The following NOS1AP variants were observed in gnomAD, a reference collection of about 807,000 sequenced individuals.
The protein encoded by NOS1AP is carboxyl-terminal PDZ ligand of neuronal nitric oxide synthase protein.
A neutral mutation model predicts 56.2 loss-of-function variants in NOS1AP; 21 were observed. The observed-to-expected ratio is 0.37, with a 90% CI of 0.26 to 0.54. NOS1AP has a LOEUF of 0.54. NOS1AP is among the 20% of genes least tolerant of loss of function. NOS1AP has a pLI of 0.84. For missense variants in NOS1AP, 522 were observed against 657.8 expected, an observed-to-expected ratio of 0.79 and a Z score of 2.26; for synonymous variants, 270 against 274.6, an observed-to-expected ratio of 0.98 and a Z score of 0.17.
At chr1:162,283,120 G>T (rs1452539473) in intron 2 of NOS1AP, among the ~76,000 whole-genome samples, 1 of 150,622 alleles carries the variant, frequency 6.6e-6, no homozygotes, top group Non-Finnish European at 1.5e-5. Flanking sequence ...GTGTGTGTGT[G>T]TTAAAAATCC....
chr1:162,123,219 A>G (rs1000708369), intron 1 of NOS1AP, among the ~76,000 whole-genome samples: 1 of 152,202 alleles, frequency 6.6e-6, no homozygotes, highest in Admixed American at 6.5e-5. Context: ...CTAACATAGT[A>G]TATTCAGAGA....
At chr1:162,158,935 A>G (rs909090131) in intron 2 of NOS1AP, among the ~76,000 whole-genome samples, 4 of 152,108 alleles carry the variant, frequency 2.6e-5, no homozygotes, top group Non-Finnish European at 5.9e-5. Flanking sequence ...ACATGTTTTT[A>G]TTTTCTTTTA....
intron 2 of NOS1AP, among the ~76,000 whole-genome samples, chr1:162,173,006 T>C (rs2102133643): frequency 6.6e-6 from 1 of 151,970 alleles, no homozygotes; most frequent in East Asian, 1.9e-4. Context: ...ATTGCAACCT[T>C]TGCTTCCCAG....
chr1:162,073,486 G>A (rs1418901023), intron 1 of NOS1AP, among the ~76,000 whole-genome samples: 1 of 152,132 alleles, frequency 6.6e-6, no homozygotes, highest in African/African-American at 2.4e-5. Context: ...TTGAGATGGA[G>A]TTTTGCTCTT....
At chr1:162,293,060 T>G (rs962163377) in intron 3 of NOS1AP, among the ~76,000 whole-genome samples, 4 of 152,196 alleles carry the variant, frequency 2.6e-5, no homozygotes, top group African/African-American at 9.6e-5. Context: ...AACAGGCCTA[T>G]TAGGAATTGT....
intron 3 of NOS1AP, among the ~76,000 whole-genome samples, chr1:162,299,307 C>T (rs939516416): frequency 6.6e-6 from 1 of 151,346 alleles, no homozygotes; most frequent in East Asian, 1.9e-4. Flanking sequence ...GGCTGTGTCT[C>T]TATGCCATGC....
chr1:162,204,579 T>C (rs2102170297), intron 2 of NOS1AP, among the ~76,000 whole-genome samples: 1 of 152,296 alleles, frequency 6.6e-6, no homozygotes, highest in East Asian at 1.9e-4. Flanking sequence ...GAAGAGGGTG[T>C]TCTGTGTCCT....
chr1:162,232,533 AGT>A (rs60922543), intron 2 of NOS1AP, among the ~76,000 whole-genome samples: 43,869 of 150,172 alleles, frequency 0.29, 6,476 homozygotes, highest in East Asian at 0.46. Flanking sequence ...TTGTGCTTAG[AGT>A]GTGTGTGTGT....
At chr1:162,192,326 C>A (rs1269996655) in intron 2 of NOS1AP, among the ~76,000 whole-genome samples, 1 of 152,168 alleles carries the variant, frequency 6.6e-6, no homozygotes, top group Non-Finnish European at 1.5e-5. Flanking sequence ...TGCTACTCTG[C>A]AGATTGTCCT....
intron 1 of NOS1AP, among the ~76,000 whole-genome samples, chr1:162,077,378 G>GT (rs1405659998): frequency 1.3e-5 from 2 of 152,026 alleles, no homozygotes; most frequent in South Asian, 4.2e-4. Flanking sequence ...CTTTTCATGT[G>GT]TTTTTTGGCC....
At chr1:162,128,703 T>C (rs573385863) in intron 1 of NOS1AP, among the ~76,000 whole-genome samples, 1 of 152,332 alleles carries the variant, frequency 6.6e-6, no homozygotes, top group Admixed American at 6.5e-5. Flanking sequence ...GGTATGTAGT[T>C]AAGTGTCTGC....
At chr1:162,324,186 T>C (rs910399265) in intron 4 of NOS1AP, among the ~76,000 whole-genome samples, 1 of 151,976 alleles carries the variant, frequency 6.6e-6, no homozygotes, top group East Asian at 1.9e-4. Flanking sequence ...TCCTGAAAAG[T>C]GTGGGATGGA....
At chr1:162,072,493 G>A (rs1691680350) in intron 1 of NOS1AP, among the ~76,000 whole-genome samples, 1 of 152,168 alleles carries the variant, frequency 6.6e-6, no homozygotes, top group Non-Finnish European at 1.5e-5. Flanking sequence ...GAAAGGAGAG[G>A]GAGCCGCAGT....
chr1:162,181,053 G>A (rs1310538251), intron 2 of NOS1AP, among the ~76,000 whole-genome samples: 1 of 152,218 alleles, frequency 6.6e-6, no homozygotes, highest in East Asian at 1.9e-4. Flanking sequence ...CCATGCAAAT[G>A]TATTTCAAAG....
chr1:162,352,161 G>A (rs1280082977), intron 6 of NOS1AP, among the ~76,000 whole-genome samples: 3 of 151,916 alleles, frequency 2.0e-5, no homozygotes, highest in Non-Finnish European at 4.4e-5. Context: ...CTGGGTTCAC[G>A]CAATTCTCCT....
chr1:162,230,443 C>T (rs1653086386), intron 2 of NOS1AP, among the ~76,000 whole-genome samples: 2 of 152,182 alleles, frequency 1.3e-5, no homozygotes, highest in African/African-American at 4.8e-5. Context: ...ATGCAAGCCA[C>T]ATATGTAATT....
At chr1:162,364,018 G>A (rs1657983192) in intron 8 of NOS1AP, 1 of 985,452 alleles carries the variant, frequency 1.0e-6, no homozygotes, top group Non-Finnish European at 1.2e-6. Flanking sequence ...TTCTCTGAGT[G>A]CTGGTTGCTG....
At chr1:162,344,584 G>A (rs1051973131) in intron 6 of NOS1AP, among the ~76,000 whole-genome samples, 4 of 152,066 alleles carry the variant, frequency 2.6e-5, no homozygotes, top group South Asian at 4.2e-4. Flanking sequence ...GGTGGTACAC[G>A]CCTATAGTCC....
chr1:162,299,564 T>C (rs1430322206), intron 3 of NOS1AP, among the ~76,000 whole-genome samples: 2 of 152,214 alleles, frequency 1.3e-5, no homozygotes, highest in African/African-American at 4.8e-5. Flanking sequence ...AATTCGTATA[T>C]TAAAATTTTA....
Sources: allele counts gnomAD v4.1 joint callset (sites outside exome capture counted in the v4.1 genomes callset), GRCh38; gene constraint gnomAD v4.1.1; transcripts MANE v1.5; gene names NCBI Gene and HGNC (gene_info 2026-07-23, HGNC 2026-07-21).